SCAMP1: variants seen among roughly 807,000 people sequenced by gnomAD.
SCAMP1 encodes the protein secretory carrier-associated membrane protein 1.
Under a neutral mutation model 41.8 loss-of-function variants are expected in SCAMP1, and 15 were observed. The ratio of observed to expected loss-of-function variants is 0.36; its 90% CI spans 0.24 to 0.55. The LOEUF (loss-of-function observed/expected upper bound fraction) is 0.55. Ranked by LOEUF, SCAMP1 falls within the 20% of genes least tolerant of loss-of-function variation. The pLI, the probability that SCAMP1 is intolerant of heterozygous loss-of-function variation, is 0.86. For synonymous variants in SCAMP1, 135 were observed against 136.8 expected (o/e 0.99, Z 0.09); for missense variants, 341 against 412.6 (o/e 0.83, Z 1.50).
chr5:78,378,312 A>C (rs1751115564), intron 1 of SCAMP1, among the ~76,000 whole-genome samples: 1 of 152,232 alleles, frequency 6.6e-6, no homozygotes, highest in South Asian at 2.1e-4. Context: ...AGAGAGAAAT[A>C]AACAGGAGAC....
At chr5:78,395,067 G>A (rs1434285600) in intron 2 of SCAMP1, among the ~76,000 whole-genome samples, 1 of 152,130 alleles carries the variant, frequency 6.6e-6, no homozygotes. Context: ...GGTCAGATTA[G>A]GTCATCTACC....
At chr5:78,377,583 A>C (rs534673796) in intron 1 of SCAMP1, among the ~76,000 whole-genome samples, 5 of 152,320 alleles carry the variant, frequency 3.3e-5, no homozygotes, top group Non-Finnish European at 7.4e-5. Context: ...ACGTGACACA[A>C]AGATTGGGCA....
intron 1 of SCAMP1, among the ~76,000 whole-genome samples, chr5:78,369,563 C>T (rs377662695): frequency 2.0e-5 from 3 of 152,106 alleles, no homozygotes; most frequent in South Asian, 2.1e-4. Flanking sequence ...CGAATACTAC[C>T]GTAGTGTGAC....
intron 6 of SCAMP1, among the ~76,000 whole-genome samples, chr5:78,427,973 A>C (rs184612743): frequency 3.9e-5 from 6 of 152,276 alleles, no homozygotes; most frequent in Middle Eastern, 3.4e-3. Flanking sequence ...GTTGTTTAAC[A>C]GTTTGCAGAT....
chr5:78,468,067 T>G (rs1753789275), intron 8 of SCAMP1, among the ~76,000 whole-genome samples: 2 of 152,134 alleles, frequency 1.3e-5, no homozygotes, highest in South Asian at 2.1e-4. Flanking sequence ...TCCTATATAT[T>G]TATCCTAATT....
intron 6 of SCAMP1, among the ~76,000 whole-genome samples, chr5:78,430,221 T>A (rs1351414666): frequency 9.9e-6 from 1 of 100,824 alleles, no homozygotes; most frequent in Admixed American, 9.8e-5. Context: ...AAATACAGTA[T>A]TTATTTATAA....
At chr5:78,464,484 A>G (rs557131865) in intron 8 of SCAMP1, among the ~76,000 whole-genome samples, 1 of 151,966 alleles carries the variant, frequency 6.6e-6, no homozygotes, top group East Asian at 1.9e-4. Flanking sequence ...TCCATTTCCA[A>G]CCTCAGCTAA....
At chr5:78,375,927 A>G (rs921059524) in intron 1 of SCAMP1, among the ~76,000 whole-genome samples, 2 of 152,204 alleles carry the variant, frequency 1.3e-5, no homozygotes, top group Non-Finnish European at 2.9e-5. Flanking sequence ...TTAGAAAAAA[A>G]GGAAAAACCA....
At chr5:78,431,907 T>C (rs1752634395) in intron 6 of SCAMP1, among the ~76,000 whole-genome samples, 3 of 152,134 alleles carry the variant, frequency 2.0e-5, no homozygotes, top group Non-Finnish European at 2.9e-5. Flanking sequence ...CATTGTGTAA[T>C]AATTACACTA....
intron 4 of SCAMP1, 140 bp downstream of exon 4, chr5:78,416,789 T>C: frequency 3.3e-6 from 2 of 601,104 alleles, no homozygotes; most frequent in Non-Finnish European, 5.9e-6. Flanking sequence ...ACACAGCAGA[T>C]TGCCTGTTTG....
At chr5:78,421,705 C>A in intron 5 of SCAMP1, 96 bp from the exon 6 acceptor site, 2 of 1,033,616 alleles carry the variant, frequency 1.9e-6, no homozygotes, top group Non-Finnish European at 2.9e-6. Flanking sequence ...TACATTTGCT[C>A]TTAGGAAGTA....
At chr5:78,387,892 G>A (rs1232790442) in intron 1 of SCAMP1, among the ~76,000 whole-genome samples, 2 of 152,160 alleles carry the variant, frequency 1.3e-5, no homozygotes, top group Non-Finnish European at 2.9e-5. Context: ...TTTTAAGTAC[G>A]CTGGTTTTGT....
At chr5:78,433,047 TA>T (rs1752661036) in intron 6 of SCAMP1, among the ~76,000 whole-genome samples, 1 of 152,204 alleles carries the variant, frequency 6.6e-6, no homozygotes, top group African/African-American at 2.4e-5. Flanking sequence ...TCATCTCTGT[TA>T]TGATATTTTT....
At chr5:78,442,683 G>GAAA (rs530937473) in intron 6 of SCAMP1, among the ~76,000 whole-genome samples, 171 of 152,304 alleles carry the variant, frequency 1.1e-3, no homozygotes, top group African/African-American at 3.9e-3. Flanking sequence ...AAGGTAATTT[G>GAAA]AAAATGGTTA....
chr5:78,451,301 A>G (rs1753219563), intron 7 of SCAMP1, among the ~76,000 whole-genome samples: 1 of 152,236 alleles, frequency 6.6e-6, no homozygotes, highest in Non-Finnish European at 1.5e-5. Context: ...ATAATAAATA[A>G]CACAGAAATC....
At chr5:78,390,250 T>C (rs1012122375) in intron 2 of SCAMP1, among the ~76,000 whole-genome samples, 2 of 152,224 alleles carry the variant, frequency 1.3e-5, no homozygotes, top group Non-Finnish European at 2.9e-5. Flanking sequence ...GTAAAAACAG[T>C]CCAAAAGTAA....
At chr5:78,437,709 C>G (rs1398698898) in intron 6 of SCAMP1, among the ~76,000 whole-genome samples, 7 of 152,188 alleles carry the variant, frequency 4.6e-5, no homozygotes, top group Non-Finnish European at 1.0e-4. Context: ...GCTTTGGTGT[C>G]AGGATGATGC....
intron 1 of SCAMP1, among the ~76,000 whole-genome samples, chr5:78,378,344 G>C (rs1751116788): frequency 6.6e-6 from 1 of 152,170 alleles, no homozygotes; most frequent in African/African-American, 2.4e-5. Context: ...AGTTATATAA[G>C]TTGATTGAGT....
chr5:78,415,393 T>A, intron 2 of SCAMP1, 127 bp from the exon 3 acceptor site: 2 of 622,104 alleles, frequency 3.2e-6, no homozygotes, highest in Non-Finnish European at 5.7e-6. Flanking sequence ...CACACTTGAC[T>A]ATGAGAGAGC....
Sources: allele counts gnomAD v4.1 joint callset (sites outside exome capture counted in the v4.1 genomes callset), GRCh38; gene constraint gnomAD v4.1.1; transcripts MANE v1.5; gene names NCBI Gene and HGNC (gene_info 2026-07-23, HGNC 2026-07-21).